Variants in FMO1 observed in about 807,000 individuals in gnomAD.
The protein encoded by FMO1 is flavin-containing monooxygenase 1.
Under a neutral mutation model 45.4 loss-of-function variants are expected in FMO1, and 36 were observed. The ratio of observed to expected loss-of-function variants is 0.79; its 90% CI spans 0.61 to 1.05. The LOEUF is 1.05. Among genes scored for constraint, FMO1 ranks in the 50% least tolerant of loss-of-function variants. The pLI, the probability that FMO1 is intolerant of heterozygous loss-of-function variation, is 0.00. For missense variants in FMO1, 615 were observed against 640.3 expected (o/e 0.96, Z 0.43); for synonymous variants, 228 against 227.2 (o/e 1.00, Z -0.03).
chr1:171,255,333 T>G (rs1309784230), intron 1 of FMO1, among the ~76,000 whole-genome samples: 1 of 152,232 alleles, frequency 6.6e-6, no homozygotes, highest in Non-Finnish European at 1.5e-5. Flanking sequence ...ATGTTTACAT[T>G]ACTGAGTCAG....
intron 3 of FMO1, chr1:171,270,570 A>G (rs544412617): frequency 1.6e-5 from 16 of 984,658 alleles, no homozygotes; most frequent in African/African-American, 3.5e-5. Flanking sequence ...TTTTTTTGCA[A>G]TTACAGAGTG....
chr1:171,248,710 A>G (rs970707759), intron 1 of FMO1, 87 bp downstream of exon 1: 3 of 152,126 alleles, frequency 2.0e-5, no homozygotes, highest in Non-Finnish European at 4.4e-5. Flanking sequence ...GCTCCAGGGA[A>G]GAACCACCTT....
At chr1:171,285,158 G>T in intron 8 of FMO1, 44 bp from the exon 9 acceptor site, 2 of 1,331,834 alleles carry the variant, frequency 1.5e-6, no homozygotes, top group Non-Finnish European at 1.0e-6. Flanking sequence ...AAGATTATCA[G>T]TTTTTTTGTC....
In FMO1 at chr1:171,258,159, A is replaced by G; in HGVS notation, c.72A>G (p.Glu24=). 1 of 1,614,190 alleles carries G rather than the reference A, an allele frequency of 6.2e-7. No individual in the cohort carries two copies. Among genetic ancestry groups the G allele is most frequent in the Non-Finnish European group, 8.5e-7 (1 of 1,180,026 alleles). The change falls in exon 2 of 9, where the codon GAA becomes GAG. Residue 24 remains glutamate, a synonymous_variant. Coordinates refer to ENST00000617670, the MANE Select transcript of FMO1 (RefSeq NM_001282693.2). ...GLASIKCCLE[E]GLEPTCFERS... ...CCTCCATCAAGTGCTGTCTGGAAGA[A>G]GGACTGGAGCCCACCTGCTTTGAGA... is the stretch of plus-strand genomic sequence containing the variant.
intron 3 of FMO1, 103 bp from the exon 4 acceptor site, chr1:171,275,243 T>G (rs2235507): frequency 1.1e-6 from 1 of 877,048 alleles, no homozygotes; most frequent in East Asian, 2.5e-5. Flanking sequence ...TAATTATGTT[T>G]ATTCTGTGTT....
chr1:171,271,531 CA>C, intron 3 of FMO1: 1 of 839,988 alleles, frequency 1.2e-6, no homozygotes, highest in East Asian at 2.4e-5. Context: ...CAAGTTTGCA[CA>C]AAAAATGCAT....
At chr1:171,284,635 G>C (rs1661539280) in intron 8 of FMO1, among the ~76,000 whole-genome samples, 1 of 151,288 alleles carries the variant, frequency 6.6e-6, no homozygotes, top group African/African-American at 2.4e-5. Context: ...CTATTCCTAA[G>C]CCAGGAGGAT....
chr1:171,272,120 C>T (rs1660896753), intron 3 of FMO1, among the ~76,000 whole-genome samples: 1 of 152,236 alleles, frequency 6.6e-6, no homozygotes, highest in Non-Finnish European at 1.5e-5. Flanking sequence ...GCCCTGCATC[C>T]CAGCTGCTCC....
chr1:171,261,392 C>A (rs1660373613), intron 2 of FMO1, among the ~76,000 whole-genome samples: 2 of 152,078 alleles, frequency 1.3e-5, no homozygotes, highest in African/African-American at 4.8e-5. Flanking sequence ...CATTTAAAAC[C>A]TGTAAAATCA....
chr1:171,255,507 A>G (rs1571326483), intron 1 of FMO1, among the ~76,000 whole-genome samples: 1 of 152,218 alleles, frequency 6.6e-6, no homozygotes, highest in South Asian at 2.1e-4. Flanking sequence ...TTCTTACTAA[A>G]CCAGCCAGGT....
At chr1:171,266,657 C>A (rs1394913850) in intron 2 of FMO1, among the ~76,000 whole-genome samples, 1 of 152,186 alleles carries the variant, frequency 6.6e-6, no homozygotes, top group East Asian at 1.9e-4. Flanking sequence ...AGAAAGCCCT[C>A]TCCATATGTG....
chr1:171,258,413 C>T (rs1358417925), intron 2 of FMO1, among the ~76,000 whole-genome samples, 194 bp downstream of exon 2: 1 of 152,160 alleles, frequency 6.6e-6, no homozygotes, highest in East Asian at 1.9e-4. Context: ...GAAGTCAGAA[C>T]AGACTTGTAC....
At chr1:171,257,854 C>G (rs562121071) in intron 1 of FMO1, 2 of 497,832 alleles carry the variant, frequency 4.0e-6, no homozygotes, top group Non-Finnish European at 7.3e-6. Context: ...GACAACTGTA[C>G]GAACATTTGG....
intron 2 of FMO1, among the ~76,000 whole-genome samples, chr1:171,264,799 C>A (rs1252220910): frequency 3.3e-5 from 5 of 151,342 alleles, no homozygotes; most frequent in Non-Finnish European, 7.4e-5. Flanking sequence ...CTCGGGAGGC[C>A]GAGGCAGGAG....
At chr1:171,268,453 T>C (rs914881063) in intron 3 of FMO1, among the ~76,000 whole-genome samples, 3 of 152,204 alleles carry the variant, frequency 2.0e-5, no homozygotes, top group African/African-American at 7.2e-5. Context: ...AAGAGAACCT[T>C]GCTATGTGAA....
chr1:171,280,102 G>A (rs1661291579), intron 5 of FMO1, among the ~76,000 whole-genome samples: 1 of 152,068 alleles, frequency 6.6e-6, no homozygotes, highest in Non-Finnish European at 1.5e-5. Context: ...TTTCAACTAT[G>A]CTGTAAACTC....
intron 2 of FMO1, among the ~76,000 whole-genome samples, chr1:171,262,183 C>T (rs1343654291): frequency 6.6e-6 from 1 of 152,116 alleles, no homozygotes; most frequent in African/African-American, 2.4e-5. Context: ...GCCTGTAATC[C>T]CAGCACTTTG....
chr1:171,274,792 C>G (rs887243435), intron 3 of FMO1, among the ~76,000 whole-genome samples: 8 of 152,132 alleles, frequency 5.3e-5, no homozygotes, highest in African/African-American at 1.4e-4. Flanking sequence ...CATGTATGTA[C>G]TCACTAAGAG....
At chr1:171,267,487 C>T in intron 2 of FMO1, 56 bp from the exon 3 acceptor site, 1 of 1,376,908 alleles carries the variant, frequency 7.3e-7, no homozygotes, top group Non-Finnish European at 9.9e-7. Context: ...TGAGTTCTTC[C>T]CAGGCTTATT....
Sources: gnomAD v4.1 joint callset for allele counts (sites outside exome capture counted in the v4.1 genomes callset) on GRCh38, gnomAD v4.1.1 for gene constraint, MANE v1.5 for transcripts, NCBI Gene and HGNC (gene_info 2026-07-23, HGNC 2026-07-21) for gene names.